Variants in MEGF10 observed in about 807,000 individuals in gnomAD.
MEGF10 encodes the protein multiple epidermal growth factor-like domains protein 10.
MEGF10 carries 86 observed loss-of-function variants against 147.5 expected under a neutral mutation model. That is an observed-to-expected ratio of 0.58 (90% CI 0.49 to 0.70). The LOEUF (loss-of-function observed/expected upper bound fraction) is 0.70. Among genes scored for constraint, MEGF10 ranks in the 30% least tolerant of loss-of-function variants. MEGF10 has a pLI of 0.00. For synonymous variants in MEGF10, 478 were observed against 525.5 expected (o/e 0.91, Z 1.24); for missense variants, 1,329 against 1,487.3 (o/e 0.89, Z 1.75).
chr5:127,457,335 G>C lies in MEGF10; in HGVS notation c.*17G>C. On this transcript the variant is annotated 3_prime_UTR_variant, in exon 25 of 25. Transcript: ENST00000503335. ...AGTGAATGACACCAAAGGACCGCTTGGTAGCCACTGGAACCCTTTCCAGAA... is the reference window on the plus strand; with the variant it reads ...AGTGAATGACACCAAAGGACCGCTTCGTAGCCACTGGAACCCTTTCCAGAA... 1 of 1,607,580 alleles carries C rather than the reference G, an allele frequency of 6.2e-7. No individual in the cohort carries two copies. The highest frequency in any genetic ancestry group is 8.5e-7 in the Non-Finnish European group (1 of 1,178,076).
chr5:127,332,545 A>G (rs1761304327), intron 2 of MEGF10, among the ~76,000 whole-genome samples: 1 of 152,124 alleles, frequency 6.6e-6, no homozygotes, highest in South Asian at 2.1e-4. Context: ...GCTTATCCCT[A>G]CCTCCATTGG....
At chr5:127,308,413 A>G (rs990923704) in intron 1 of MEGF10, among the ~76,000 whole-genome samples, 1 of 152,132 alleles carries the variant, frequency 6.6e-6, no homozygotes, top group Non-Finnish European at 1.5e-5. Flanking sequence ...GCAGGCTATC[A>G]TCGAGAGCTG....
chr5:127,265,911 GCTCCTTAGTTTAGTTA>G, the MEGF10 span, among the ~76,000 whole-genome samples: 1 of 152,166 alleles, frequency 6.6e-6, no homozygotes, highest in Admixed American at 6.5e-5. Context: ...CTGTGTAGAA[GCTCCTTAGTTTAGTTA>G]GATCCTGTTT....
intron 1 of MEGF10, among the ~76,000 whole-genome samples, chr5:127,328,174 A>G (rs968890309): frequency 1.3e-5 from 2 of 152,122 alleles, no homozygotes; most frequent in Non-Finnish European, 2.9e-5. Flanking sequence ...TTCTCTCCTC[A>G]TCGTCTATAA....
At chr5:127,417,378 G>A (rs975282976) in intron 9 of MEGF10, among the ~76,000 whole-genome samples, 3 of 152,172 alleles carry the variant, frequency 2.0e-5, no homozygotes, top group Admixed American at 6.5e-5. Flanking sequence ...GAATTAAAAA[G>A]AATTTCAGAC....
chr5:127,455,451 T>C lies in MEGF10; in HGVS notation c.3076T>C (p.Ser1026Pro), dbSNP rs748743504. 3.7e-6 allele frequency: 6 copies of C among 1,614,028 alleles called. No homozygotes were observed. The South Asian group carries it at 6.6e-5, about 18-fold the overall frequency. The change falls in exon 24 of 25, where the codon TCT becomes CCT. Residue 1026 changes from serine (S) to proline (P), a missense_variant. Coordinates refer to ENST00000503335, the MANE Select transcript of MEGF10 (RefSeq NM_001256545.2). ...TTCAAGTAACTGCTCCCTAAGCAGTTCTGAGAACCCATATGCCACTATTAA... is the reference window on the plus strand; with the variant it reads ...TTCAAGTAACTGCTCCCTAAGCAGTCCTGAGAACCCATATGCCACTATTAA... Reference protein sequence around the residue: ...YNSSNCSLSSSENPYATIKDP... With the variant: ...YNSSNCSLSSPENPYATIKDP...
intron 22 of MEGF10, among the ~76,000 whole-genome samples, chr5:127,452,951 T>C (rs1032478246): frequency 4.0e-5 from 6 of 151,850 alleles, no homozygotes; most frequent in African/African-American, 1.5e-4. Context: ...GAGAGGAAAA[T>C]ATTCCCATTT....
intron 6 of MEGF10, among the ~76,000 whole-genome samples, chr5:127,398,037 G>A (rs1200119963): frequency 6.6e-6 from 1 of 151,210 alleles, no homozygotes; most frequent in African/African-American, 2.4e-5. Flanking sequence ...GACACAGGGA[G>A]GGGAGCATCA....
intron 1 of MEGF10, among the ~76,000 whole-genome samples, chr5:127,312,455 A>AT (rs1401904493): frequency 1.3e-5 from 2 of 152,038 alleles, no homozygotes; most frequent in Non-Finnish European, 2.9e-5. Context: ...AACTGTCTCT[A>AT]TTTTTTCATT....
At chr5:127,397,470 T>C (rs1448076866) in intron 6 of MEGF10, among the ~76,000 whole-genome samples, 1 of 152,122 alleles carries the variant, frequency 6.6e-6, no homozygotes, top group African/African-American at 2.4e-5. Context: ...ACCAACAGAA[T>C]TAAGAGGCAG....
At chr5:127,280,275 G>C in the MEGF10 span, among the ~76,000 whole-genome samples, 13 of 152,120 alleles carry the variant, frequency 8.5e-5, no homozygotes, top group African/African-American at 3.1e-4. Flanking sequence ...GTAATTCTGC[G>C]TGATGATTCA....
At chr5:127,261,533 A>G in the MEGF10 span, among the ~76,000 whole-genome samples, 4 of 152,124 alleles carry the variant, frequency 2.6e-5, no homozygotes, top group Non-Finnish European at 5.9e-5. Flanking sequence ...CGTTTGGGTT[A>G]TTTCTACTTT....
the MEGF10 span, among the ~76,000 whole-genome samples, chr5:127,253,130 T>A: frequency 6.6e-6 from 1 of 151,996 alleles, no homozygotes; most frequent in Admixed American, 6.6e-5. Context: ...CAAATATTAA[T>A]GCTTTTCATA....
the MEGF10 span, among the ~76,000 whole-genome samples, chr5:127,244,236 C>G: frequency 7.0e-6 from 1 of 143,706 alleles, no homozygotes; most frequent in Non-Finnish European, 1.5e-5. Flanking sequence ...GAATGTAGGG[C>G]ATAAATTTCA....
intron 22 of MEGF10, among the ~76,000 whole-genome samples, chr5:127,452,442 TC>T (rs1766188942): frequency 6.6e-6 from 1 of 152,150 alleles, no homozygotes; most frequent in Non-Finnish European, 1.5e-5. Context: ...GTCTGGGAAT[TC>T]CCAAGACCAC....
At chr5:127,342,363 T>C (rs1004061593) in intron 4 of MEGF10, among the ~76,000 whole-genome samples, 9 of 152,114 alleles carry the variant, frequency 5.9e-5, no homozygotes, top group African/African-American at 2.2e-4. Context: ...AGTACTTCTG[T>C]CTCCCAGCAC....
chr5:127,443,065 C>T lies in MEGF10; in HGVS notation c.2430C>T (p.Cys810=), dbSNP rs745636972. Residue 810 remains cysteine (C), a synonymous_variant, in exon 19 of 25, where the codon TGC becomes TGT. Transcript: ENST00000503335. The part of the protein sequence containing the change: ...QICDCLNNST[C]DHITGTCYCS... ...GTGATTGTCTGAACAACTCCACCTG[C>T]GACCACATCACTGGGACCTGTTACT... 4.6e-5 allele frequency: 74 copies of T among 1,613,640 alleles called. No individual in the cohort carries two copies. Among genetic ancestry groups the T allele is most frequent in the Admixed American group, 1.3e-4 (8 of 59,988 alleles).
chr5:127,445,701 C>G lies in MEGF10; in HGVS notation c.2728+8C>G. The G allele has an allele frequency of 6.2e-7, 1 of 1,602,048 alleles. No individual in the cohort carries two copies. Among genetic ancestry groups the G allele is most frequent in the African/African-American group, 1.3e-5 (1 of 74,796 alleles). ...CAGATTATACCATTTCAGGTAAGAG[C>G]AGAGGCAGGAGAGGCATTTTGCTTC... On this transcript the variant is annotated splice_region_variant and intron_variant, in intron 20 of 24. Transcript: ENST00000503335.
chr5:127,373,485 A>G (rs2126869209), intron 5 of MEGF10, among the ~76,000 whole-genome samples: 1 of 152,192 alleles, frequency 6.6e-6, no homozygotes, highest in South Asian at 2.1e-4. Context: ...CATCTTTTTG[A>G]TTTTGAGTGC....
Sources: allele counts gnomAD v4.1 joint callset (sites outside exome capture counted in the v4.1 genomes callset), GRCh38; gene constraint gnomAD v4.1.1; transcripts MANE v1.5; gene names NCBI Gene and HGNC (gene_info 2026-07-23, HGNC 2026-07-21).